Variants in MCTP1 observed in about 807,000 individuals in gnomAD.
MCTP1 encodes the protein multiple C2 and transmembrane domain containing 1, also known as multiple C2 and transmembrane domain-containing protein 1.
MCTP1 carries 69 observed loss-of-function variants against 120.6 expected under a neutral mutation model. The ratio of observed to expected loss-of-function variants is 0.57; its 90% CI spans 0.47 to 0.70. The LOEUF is 0.70. Among genes scored for constraint, MCTP1 ranks in the 30% least tolerant of loss-of-function variants. The probability of loss-of-function intolerance (pLI) is 0.00; values close to 1 mark genes in which losing one functional copy is unlikely to be tolerated. For missense variants in MCTP1, 1,203 were observed against 1,248.8 expected (o/e 0.96, Z 0.55); for synonymous variants, 529 against 493.1 (o/e 1.07, Z -0.96).
chr5:94,792,625 A>G (rs1779218868), intron 18 of MCTP1: 1 of 152,546 alleles, frequency 6.6e-6, no homozygotes, highest in African/African-American at 2.4e-5. Context: ...CCTCACCCTT[A>G]GCCCACTACT....
chr5:95,099,429 A>G (rs1429450548), intron 1 of MCTP1, among the ~76,000 whole-genome samples: 6 of 152,020 alleles, frequency 3.9e-5, no homozygotes, highest in Admixed American at 3.9e-4. Context: ...TTTACAAGAA[A>G]AAAACAAACA....
intron 17 of MCTP1, among the ~76,000 whole-genome samples, chr5:94,835,184 T>C (rs1580941879): frequency 2.0e-5 from 3 of 152,152 alleles, no homozygotes; most frequent in East Asian, 3.8e-4. Flanking sequence ...GGTTTGAGCA[T>C]TGGGGAAGGG....
At chr5:94,865,124 T>C (rs1400534443) in intron 17 of MCTP1, among the ~76,000 whole-genome samples, 1 of 151,870 alleles carries the variant, frequency 6.6e-6, no homozygotes, top group Non-Finnish European at 1.5e-5. Context: ...ATTTTATCCA[T>C]CACCTTCCAG....
chr5:94,906,930 A>C (rs1807066738), intron 10 of MCTP1, among the ~76,000 whole-genome samples: 1 of 152,182 alleles, frequency 6.6e-6, no homozygotes, highest in Admixed American at 6.5e-5. Context: ...GAGAGCTTGC[A>C]AAAAAGGACA....
intron 1 of MCTP1, among the ~76,000 whole-genome samples, chr5:95,251,442 A>C (rs1372283260): frequency 6.6e-6 from 1 of 152,158 alleles, no homozygotes; most frequent in Non-Finnish European, 1.5e-5. Flanking sequence ...TTTGGATTTC[A>C]TGAGTCATTA....
Position 94,801,363 on chromosome 5 carries a change from T to C in MCTP1, c.2437-2231A>G, listed in dbSNP as rs564284214. On this transcript the variant is annotated intron_variant, in intron 17 of 22. Transcript: ENST00000515393. ...TAGCAAAAGTTCTATAGATCTACTATATAAAACCAAGTGACTTCAAGAAAA... is the reference window on the plus strand; with the variant it reads ...TAGCAAAAGTTCTATAGATCTACTACATAAAACCAAGTGACTTCAAGAAAA... Among the ~76,000 whole-genome samples, 291 of 152,360 alleles carry C rather than the reference T, an allele frequency of 1.9e-3. 1 individual carries two copies. Among genetic ancestry groups the C allele is most frequent in the Middle Eastern group, 6.8e-3 (2 of 294 alleles).
chr5:95,062,197 GT>G (rs1173354215), intron 1 of MCTP1, among the ~76,000 whole-genome samples: 2 of 152,108 alleles, frequency 1.3e-5, no homozygotes, highest in African/African-American at 2.4e-5. Flanking sequence ...CAATAACTGA[GT>G]TTTTTTAGCC....
At chr5:94,860,892 G>T (rs1401463000) in intron 17 of MCTP1, among the ~76,000 whole-genome samples, 1 of 151,000 alleles carries the variant, frequency 6.6e-6, no homozygotes, top group Non-Finnish European at 1.5e-5. Flanking sequence ...AAAAAATATA[G>T]AGAAACACTG....
intron 7 of MCTP1, among the ~76,000 whole-genome samples, chr5:94,918,521 G>A (rs141392238): frequency 6.6e-4 from 101 of 152,230 alleles, no homozygotes; most frequent in Middle Eastern, 3.4e-3. Context: ...CCTTTGCTAC[G>A]AAAAAGTAAC....
chr5:94,803,687 G>C (rs1305925418), intron 17 of MCTP1, among the ~76,000 whole-genome samples: 1 of 152,042 alleles, frequency 6.6e-6, no homozygotes, highest in Non-Finnish European at 1.5e-5. Flanking sequence ...TACTACCTTA[G>C]AATCCATAGC....
In MCTP1 at chr5:95,161,660, AT is replaced by A. The variant is rs373108788; in HGVS notation, c.720+122195del. 7.2e-4 allele frequency among the ~76,000 whole-genome samples: 110 copies of A among 152,302 alleles called. No homozygotes were observed. The East Asian group carries it at 0.014, about 19-fold the overall frequency. ...GATTTAATCATTCCACATTGTAAACATATATGGAAACATCACTTTGTACCCC... is the reference window on the plus strand; with the variant it reads ...GATTTAATCATTCCACATTGTAAACAATATGGAAACATCACTTTGTACCCC... On this transcript the variant is annotated intron_variant, in intron 1 of 22. Coordinates refer to ENST00000515393, the MANE Select transcript of MCTP1 (RefSeq NM_024717.7).
chr5:94,774,478 C>G (rs1774864440), intron 19 of MCTP1, among the ~76,000 whole-genome samples: 1 of 152,092 alleles, frequency 6.6e-6, no homozygotes, highest in South Asian at 2.1e-4. Flanking sequence ...AGAAAGCCAG[C>G]AAGAAAACAA....
At chr5:94,949,184 T>C (rs1286036809) in intron 3 of MCTP1, among the ~76,000 whole-genome samples, 4 of 152,192 alleles carry the variant, frequency 2.6e-5, no homozygotes, top group Non-Finnish European at 5.9e-5. Flanking sequence ...TATGTTACTT[T>C]TATCTCTTCT....
At chr5:95,206,366 T>G (rs948656782) in intron 1 of MCTP1, among the ~76,000 whole-genome samples, 1 of 152,124 alleles carries the variant, frequency 6.6e-6, no homozygotes, top group Non-Finnish European at 1.5e-5. Context: ...CTGGAGGTAA[T>G]AGAGACTGAA....
chr5:94,875,350 G>A (rs928073733), intron 12 of MCTP1, among the ~76,000 whole-genome samples: 9 of 152,088 alleles, frequency 5.9e-5, no homozygotes, highest in African/African-American at 1.9e-4. Flanking sequence ...CCAGGAAGCC[G>A]GTGTGGCTGG....
intron 12 of MCTP1, among the ~76,000 whole-genome samples, chr5:94,885,709 G>T (rs1432190482): frequency 6.6e-6 from 1 of 151,868 alleles, no homozygotes; most frequent in African/African-American, 2.4e-5. Context: ...CAGTCTCTAG[G>T]TCTTGCTTTG....
chr5:95,024,677 A>ACACC (rs1185400384), intron 1 of MCTP1, among the ~76,000 whole-genome samples: 22 of 150,868 alleles, frequency 1.5e-4, no homozygotes, highest in South Asian at 4.2e-4. Context: ...ACACACACAC[A>ACACC]CCCCTAAATG....
At position 95,284,351 on chromosome 5, in the gene MCTP1, G is replaced by C. The variant is rs1760582814; in HGVS notation, c.225C>G (p.Gly75=). 6.3e-7 allele frequency: 1 copy of C among 1,596,772 alleles called. No homozygotes were observed. The highest frequency in any genetic ancestry group is 8.5e-7 in the Non-Finnish European group (1 of 1,179,300). The change falls in exon 1 of 23, where the codon GGC becomes GGG. Residue 75 remains glycine, a synonymous_variant. Transcript: ENST00000515393. This position sits in a 1 kb window ranked among gnomAD's most constrained non-coding sequence, Gnocchi z 5.2. ...GNAPARGSGA[G]SRWSGFKKRK... is the part of the protein sequence containing the mutation. ...GCTTCTTGAAGCCGCTCCACCTGCTGCCTGCACCACTCCCCCTGGCCGGTG... is the reference window on the plus strand; with the variant it reads ...GCTTCTTGAAGCCGCTCCACCTGCTCCCTGCACCACTCCCCCTGGCCGGTG...
intron 1 of MCTP1, among the ~76,000 whole-genome samples, chr5:95,136,374 T>C (rs1007810450): frequency 6.6e-6 from 1 of 152,214 alleles, no homozygotes; most frequent in Non-Finnish European, 1.5e-5. Flanking sequence ...TCAGGAAGGG[T>C]TCAGGCTTGG....
Sources: gnomAD v4.1 joint callset for allele counts (sites outside exome capture counted in the v4.1 genomes callset) on GRCh38, gnomAD v4.1.1 for gene constraint, Gnocchi (gnomAD v3.1) non-coding constraint, MANE v1.5 for transcripts, NCBI Gene and HGNC (gene_info 2026-07-23, HGNC 2026-07-21) for gene names.